Variants in NBEAL1 observed in about 807,000 individuals in gnomAD.
The protein encoded by NBEAL1 is neurobeachin-like protein 1.
In NBEAL1, 273 loss-of-function variants were observed where a neutral mutation model predicts 351.3. That is an observed-to-expected ratio of 0.78 (90% CI 0.70 to 0.86). The LOEUF (loss-of-function observed/expected upper bound fraction) is 0.86. Ranked by LOEUF, NBEAL1 falls within the 40% of genes least tolerant of loss-of-function variation. The pLI is 0.00. For synonymous variants in NBEAL1, 1,050 were observed against 1,086.4 expected, an observed-to-expected ratio of 0.97 and a Z score of 0.66; for missense variants, 2,961 against 3,201.3, an observed-to-expected ratio of 0.92 and a Z score of 1.81.
chr2:203,104,867 C>CT (rs983733829), intron 12 of NBEAL1, among the ~76,000 whole-genome samples: 101 of 146,538 alleles, frequency 6.9e-4, no homozygotes, highest in African/African-American at 1.5e-3. Context: ...TTCTTTCTTT[C>CT]TTTTTTTTTT....
At chr2:203,060,302 T>G (rs1185942326) in intron 6 of NBEAL1, among the ~76,000 whole-genome samples, 1 of 152,086 alleles carries the variant, frequency 6.6e-6, no homozygotes, top group Non-Finnish European at 1.5e-5. Flanking sequence ...AGAAAATTTT[T>G]TTGATAATAA....
At chr2:203,172,594 T>C (rs1349696030) in intron 40 of NBEAL1, 135 bp from the exon 41 acceptor site, 6 of 658,870 alleles carry the variant, frequency 9.1e-6, no homozygotes, top group Non-Finnish European at 1.5e-5. Context: ...TAAAGATGAA[T>C]GGATATTTAC....
rs1056588953 is a variant in NBEAL1 at position 203,222,677 on chromosome 2, A to G, written c.*5323A>G. Among the ~76,000 whole-genome samples the G allele has an allele frequency of 6.6e-6, 1 of 152,180 alleles. No homozygotes were observed. Among genetic ancestry groups the G allele is most frequent in the African/African-American group, 2.4e-5 (1 of 41,458 alleles). ...ATTAGTTCCTGGTGACTTTCAGTGA[A>G]CGTTTTGCAAACTTGAATTAGGCAA... On this transcript the variant is annotated 3_prime_UTR_variant, in exon 56 of 56. Transcript: ENST00000683969.
intron 2 of NBEAL1, among the ~76,000 whole-genome samples, chr2:203,034,879 T>C (rs1445985405): frequency 1.3e-5 from 2 of 149,296 alleles, no homozygotes; most frequent in Non-Finnish European, 3.0e-5. Context: ...TTTGGTAGGA[T>C]ATTAGAAAAT....
intron 36 of NBEAL1, among the ~76,000 whole-genome samples, chr2:203,158,815 GTTTTTTTTTTTTT>G (rs71034220): frequency 8.3e-5 from 7 of 84,362 alleles, no homozygotes; most frequent in Admixed American, 1.8e-4. Flanking sequence ...TTTCTGTAGG[GTTTTTTTTTTTTT>G]TTTTTTTTTG....
chr2:203,037,960 TAAATAAATACAC>T lies in NBEAL1; in HGVS notation c.52-3793_52-3782del, dbSNP rs1461315098. Among the ~76,000 whole-genome samples, 41 of 149,192 alleles carry T rather than the reference TAAATAAATACAC, an allele frequency of 2.7e-4. 4 individuals are homozygous for T. The highest frequency in any genetic ancestry group is 6.7e-4 in the Admixed American group (10 of 14,832). The stretch of plus-strand genomic sequence containing the variant: ...ACAGAGTGAGAACCTGTCTCATAAA[TAAATAAATACAC>T]AAATAAATACATGAATAAATAAATA... On this transcript the variant is annotated intron_variant, in intron 2 of 55. Coordinates refer to ENST00000683969, the MANE Select transcript of NBEAL1 (RefSeq NM_001378026.1).
At chr2:203,187,312 C>G (rs1006919275) in intron 44 of NBEAL1, among the ~76,000 whole-genome samples, 5 of 150,238 alleles carry the variant, frequency 3.3e-5, no homozygotes, top group Non-Finnish European at 5.9e-5. Flanking sequence ...CCTGCTTTGG[C>G]CTCCCAAAGT....
At chr2:203,152,596 A>C (rs2063687001) in intron 35 of NBEAL1, among the ~76,000 whole-genome samples, 2 of 151,152 alleles carry the variant, frequency 1.3e-5, no homozygotes, top group African/African-American at 2.4e-5. Context: ...GTCTCAAAAC[A>C]AACAAAAATT....
intron 44 of NBEAL1, among the ~76,000 whole-genome samples, chr2:203,185,657 G>A (rs1235995249): frequency 6.6e-6 from 1 of 152,204 alleles, no homozygotes; most frequent in African/African-American, 2.4e-5. Flanking sequence ...TATGGCAGCT[G>A]GGATTGGAGT....
intron 2 of NBEAL1, among the ~76,000 whole-genome samples, chr2:203,019,266 A>G (rs143276870): frequency 5.1e-4 from 77 of 152,264 alleles, no homozygotes; most frequent in African/African-American, 1.8e-3. Flanking sequence ...TTTTGCCTAT[A>G]TGTGTTATTT....
At chr2:203,100,392 A>G (rs2062287344) in intron 12 of NBEAL1, among the ~76,000 whole-genome samples, 1 of 152,166 alleles carries the variant, frequency 6.6e-6, no homozygotes. Context: ...CCTTTTCTTC[A>G]CAACCTTGCC....
At chr2:203,049,663 C>T (rs2106071095) in intron 3 of NBEAL1, 151 bp from the exon 4 acceptor site, 1 of 578,826 alleles carries the variant, frequency 1.7e-6, no homozygotes. Flanking sequence ...TCATGTGCTA[C>T]ATCTGTGTTG....
At chr2:203,211,196 C>A (rs1257279919) in intron 54 of NBEAL1, 90 bp downstream of exon 54, 3 of 1,003,048 alleles carry the variant, frequency 3.0e-6, no homozygotes, top group Middle Eastern at 2.3e-4. Flanking sequence ...GATTTTTAAT[C>A]TTTTGGTTTA....
chr2:203,138,560 A>G, intron 30 of NBEAL1, 60 bp from the exon 31 acceptor site: 1 of 1,483,004 alleles, frequency 6.7e-7, no homozygotes, highest in Non-Finnish European at 9.1e-7. Flanking sequence ...GGGAAAATTG[A>G]TCATCAGTAA....
At chr2:203,018,834 TTAAATA>T (rs2060722322) in intron 2 of NBEAL1, among the ~76,000 whole-genome samples, 1 of 152,176 alleles carries the variant, frequency 6.6e-6, no homozygotes, top group South Asian at 2.1e-4. Context: ...CTGTAAATAT[TTAAATA>T]TGTGTAATAA....
At chr2:203,214,486 T>A (rs1468261130) in intron 55 of NBEAL1, among the ~76,000 whole-genome samples, 3 of 152,214 alleles carry the variant, frequency 2.0e-5, no homozygotes, top group African/African-American at 4.8e-5. Flanking sequence ...TAAATTAATG[T>A]TATTATGGCT....
chr2:203,127,648 G>A, intron 23 of NBEAL1, 133 bp from the exon 24 acceptor site: 2 of 460,000 alleles, frequency 4.3e-6, no homozygotes, highest in East Asian at 4.6e-5. Context: ...CTTGAACCCA[G>A]AAGGCAGAGG....
Position 203,217,337 on chromosome 2 carries a change from A to T in NBEAL1, c.8155A>T (p.Thr2719Ser). The change falls in exon 56 of 56, where the codon ACT becomes TCT. Residue 2719 changes from threonine (T) to serine (S), a missense_variant. By Grantham distance (58) the Thr-to-Ser change is moderately conservative (BLOSUM62 1). Coordinates refer to ENST00000683969, the MANE Select transcript of NBEAL1 (RefSeq NM_001378026.1). ...TTCAGCTGGAGAAACTGAATATAAT[A>T]CTCAAGATTCCAAGTGATTGTTATT... Reference protein sequence around the residue: ...QISAGETEYNTQDSK With the variant: ...QISAGETEYNSQDSK 1 of 1,579,356 alleles carries T rather than the reference A, an allele frequency of 6.3e-7. No homozygotes were observed. Among genetic ancestry groups the T allele is most frequent in the African/African-American group, 1.4e-5 (1 of 73,426 alleles).
At chr2:203,193,763 T>A (rs779849305) in intron 46 of NBEAL1, 32 bp from the exon 47 acceptor site, 2 of 1,407,976 alleles carry the variant, frequency 1.4e-6, no homozygotes, top group Admixed American at 1.7e-5. Flanking sequence ...AACATAGATA[T>A]GGAATTGTTT....
Sources: gnomAD v4.1 joint callset for allele counts (sites outside exome capture counted in the v4.1 genomes callset) on GRCh38, gnomAD v4.1.1 for gene constraint, MANE v1.5 for transcripts, NCBI Gene and HGNC (gene_info 2026-07-23, HGNC 2026-07-21) for gene names.